The following SLC38A9 variants were observed in gnomAD, a reference collection of about 807,000 sequenced individuals.
SLC38A9 encodes the protein solute carrier family 38 member 9.
SLC38A9 carries 48 observed loss-of-function variants against 62.3 expected under a neutral mutation model. The ratio of observed to expected loss-of-function variants is 0.77; its 90% confidence interval spans 0.61 to 0.98. SLC38A9 has a LOEUF of 0.98. SLC38A9 is among the 50% of genes least tolerant of loss of function. SLC38A9 has a pLI of 0.00. For missense variants in SLC38A9, 541 were observed against 679.8 expected (o/e 0.80, Z 2.27); for synonymous variants, 204 against 227.7 (o/e 0.90, Z 0.94).
At chr5:55,674,493 G>C (rs1444048813) in intron 3 of SLC38A9, among the ~76,000 whole-genome samples, 1 of 152,094 alleles carries the variant, frequency 6.6e-6, no homozygotes, top group Admixed American at 6.6e-5. Context: ...AATGAGTTCA[G>C]TTCCCTTCCT....
intron 3 of SLC38A9, among the ~76,000 whole-genome samples, chr5:55,674,316 A>C (rs141569303): frequency 2.9e-3 from 449 of 152,332 alleles, no homozygotes; most frequent in African/African-American, 0.01. Flanking sequence ...TGTGGTTTGA[A>C]TATGTCCCCC....
intron 3 of SLC38A9, chr5:55,675,281 T>C (rs1751934094): frequency 1.3e-5 from 2 of 152,236 alleles, no homozygotes; most frequent in Admixed American, 1.3e-4. Context: ...GAGGGCAGAA[T>C]GACTCTGAAA....
At chr5:55,646,603 A>C (rs1306152156) in intron 11 of SLC38A9, among the ~76,000 whole-genome samples, 1 of 152,202 alleles carries the variant, frequency 6.6e-6, no homozygotes, top group African/African-American at 2.4e-5. Context: ...ATAATGTAAA[A>C]ATATTAGAAA....
intron 9 of SLC38A9, among the ~76,000 whole-genome samples, chr5:55,653,986 C>A (rs1278621271): frequency 6.6e-6 from 1 of 152,012 alleles, no homozygotes; most frequent in Non-Finnish European, 1.5e-5. Flanking sequence ...TACTGATCTA[C>A]AAGTGGCAAT....
chr5:55,669,426 T>C, intron 6 of SLC38A9, 105 bp from the exon 7 acceptor site: 1 of 1,315,156 alleles, frequency 7.6e-7, no homozygotes, highest in Non-Finnish European at 1.1e-6. Context: ...TGACAACTCA[T>C]GAAAAACTAA....
intron 3 of SLC38A9, chr5:55,691,104 C>T (rs1200669559): frequency 1.1e-5 from 8 of 698,124 alleles, no homozygotes; most frequent in Non-Finnish European, 2.1e-5. Flanking sequence ...GGAATGCTGC[C>T]TGTACCCCAC....
At chr5:55,688,983 A>G in intron 3 of SLC38A9, among the ~76,000 whole-genome samples, 1 of 94,508 alleles carries the variant, frequency 1.1e-5, no homozygotes, top group African/African-American at 3.2e-5. Flanking sequence ...ATAGGTAAAT[A>G]AAAAAGCAGA....
At chr5:55,690,826 T>A (rs1754626958) in intron 3 of SLC38A9, among the ~76,000 whole-genome samples, 1 of 152,214 alleles carries the variant, frequency 6.6e-6, no homozygotes, top group African/African-American at 2.4e-5. Context: ...GTTAGAGATG[T>A]CTTAAATCTA....
intron 3 of SLC38A9, among the ~76,000 whole-genome samples, chr5:55,694,713 T>G: frequency 1.4e-5 from 1 of 71,844 alleles, no homozygotes; most frequent in South Asian, 5.2e-4. Context: ...TCCCCTCCCC[T>G]CCCCTCCCCT....
rs1376377494 is a variant in SLC38A9 at position 55,670,111 on chromosome 5, C to T, written c.247-232G>A. ...TCCCGAGTAGCTGGGACTACAGGTG[C>T]CCACCACCACGCCTGGCTAATTTTT... On this transcript the variant is annotated intron_variant, in intron 4 of 15. Coordinates refer to ENST00000396865, the MANE Select transcript of SLC38A9 (RefSeq NM_173514.4). 2.0e-5 allele frequency among the ~76,000 whole-genome samples: 3 copies of T among 152,070 alleles called. No homozygotes were observed. The East Asian group carries it at 5.8e-4, about 29-fold the overall frequency.
rs60466031 is a variant in SLC38A9, at chr5:55,652,032, T to TAA, written c.952+495_952+496dup. 2.5e-3 allele frequency among the ~76,000 whole-genome samples: 369 copies of TAA among 145,874 alleles called. 3 individuals are homozygous for TAA. Among genetic ancestry groups the TAA allele is most frequent in the African/African-American group, 8.4e-3 (333 of 39,618 alleles). Reference sequence around the variant, plus strand: ...ACACTTTTCTCCATGCCAAACTCCATAAAAAAAAATAGAAAAAATCAGGTT... The same window carrying TAA: ...ACACTTTTCTCCATGCCAAACTCCATAAAAAAAAAAATAGAAAAAATCAGGTT... On this transcript the variant is annotated intron_variant, in intron 10 of 15. Transcript: ENST00000396865.
chr5:55,702,281 C>T (rs1188668472), intron 2 of SLC38A9, among the ~76,000 whole-genome samples: 1 of 148,802 alleles, frequency 6.7e-6, no homozygotes, highest in Non-Finnish European at 1.5e-5. Flanking sequence ...TTTTTTGAGA[C>T]AGGTTCTCAC....
rs371253082 is a variant in SLC38A9, at chr5:55,653,892, C to T, written c.758-1169G>A. ...CAGGCTGGTCACGAACTCTTGACCTCGTGATCTGCCCGCCTTGGCCTCCCA... is the reference window on the plus strand; with the variant it reads ...CAGGCTGGTCACGAACTCTTGACCTTGTGATCTGCCCGCCTTGGCCTCCCA... On this transcript the variant is annotated intron_variant, in intron 9 of 15. Coordinates refer to ENST00000396865, the MANE Select transcript of SLC38A9 (RefSeq NM_173514.4). Among the ~76,000 whole-genome samples, 3 of 152,084 alleles carry T rather than the reference C, an allele frequency of 2.0e-5. No individual in the cohort carries two copies. In the East Asian group the frequency reaches 5.8e-4, roughly 29 times the overall value.
chr5:55,634,662 C>T (rs187761138), intron 13 of SLC38A9: 176 of 152,200 alleles, frequency 1.2e-3, no homozygotes, highest in African/African-American at 4.1e-3. Context: ...AAGAACATTT[C>T]CAAGCTGCCA....
chr5:55,627,855 T>C (rs775728979), intron 15 of SLC38A9, 36 bp downstream of exon 15: 1 of 1,277,072 alleles, frequency 7.8e-7, no homozygotes, highest in South Asian at 1.3e-5. Flanking sequence ...TAAAGACCAA[T>C]ATATGTAAGG....
intron 11 of SLC38A9, among the ~76,000 whole-genome samples, chr5:55,648,176 G>A (rs1383748182): frequency 1.3e-5 from 2 of 152,174 alleles, no homozygotes; most frequent in Non-Finnish European, 2.9e-5. Context: ...GAGGGGGAAG[G>A]TGCAGTGAGT....
intron 12 of SLC38A9, among the ~76,000 whole-genome samples, chr5:55,644,651 A>G (rs1187103916): frequency 6.6e-6 from 1 of 151,704 alleles, no homozygotes; most frequent in Non-Finnish European, 1.5e-5. Flanking sequence ...TGAACTCTTG[A>G]CCTCGTGTCC....
chr5:55,664,710 G>A lies in SLC38A9; in HGVS notation c.680C>T (p.Thr227Ile), dbSNP rs566679454. ...ATACTTACTAAAAATAAACTTTCCA[G>A]TATTAAAAAGAAAATTTGACATAAG... ...WVLMSNFLFNTGKFIFNFIHH... is the reference protein window; with the variant it reads ...WVLMSNFLFNIGKFIFNFIHH... The change falls in exon 8 of 16, where the codon ACT becomes ATT. Residue 227 changes from threonine to isoleucine, a missense_variant. Physicochemically the swap from Thr to Ile is moderately conservative, Grantham distance 89. Transcript: ENST00000396865. 1 of 1,550,796 alleles carries A rather than the reference G, an allele frequency of 6.4e-7. No homozygotes were observed. The highest frequency in any genetic ancestry group is 8.7e-7 in the Non-Finnish European group (1 of 1,154,906).
At chr5:55,654,597 T>G (rs1359513440) in intron 9 of SLC38A9, among the ~76,000 whole-genome samples, 5 of 150,004 alleles carry the variant, frequency 3.3e-5, no homozygotes, top group African/African-American at 1.2e-4. Flanking sequence ...CAGAGAGAGA[T>G]CTTGTCTCAA....
Sources: gnomAD v4.1 joint callset for allele counts (sites outside exome capture counted in the v4.1 genomes callset) on GRCh38, gnomAD v4.1.1 for gene constraint, MANE v1.5 for transcripts, NCBI Gene and HGNC (gene_info 2026-07-23, HGNC 2026-07-21) for gene names.